Variants in PCOLCE2 observed in about 807,000 individuals in gnomAD.
PCOLCE2 encodes the protein procollagen C-endopeptidase enhancer 2.
A neutral mutation model predicts 47.0 loss-of-function variants in PCOLCE2; 42 were observed. That is an observed-to-expected ratio of 0.89 (90% CI 0.70 to 1.16). PCOLCE2 has a LOEUF of 1.16. Among genes scored for constraint, PCOLCE2 ranks in the 50% most tolerant of loss-of-function variants. The pLI is 0.00. For synonymous variants in PCOLCE2, 169 were observed against 191.7 expected, an observed-to-expected ratio of 0.88 and a Z score of 0.98; for missense variants, 500 against 526.1, an observed-to-expected ratio of 0.95 and a Z score of 0.49.
rs577098719 is a variant in PCOLCE2, at chr3:142,859,069, T to C, written c.193-10597A>G. On this transcript the variant is annotated intron_variant, in intron 2 of 8. Transcript: ENST00000295992. Reference sequence around the variant, plus strand: ...CATACAACACCCATGTTTTCTTCTTTTTTTTTTTTTAGAGACAGAGTCTGA... The same window carrying C: ...CATACAACACCCATGTTTTCTTCTTCTTTTTTTTTTAGAGACAGAGTCTGA... Among the ~76,000 whole-genome samples, 55 of 151,098 alleles carry C rather than the reference T, an allele frequency of 3.6e-4. No individual in the cohort carries two copies. In the East Asian group the frequency reaches 9.3e-3, roughly 26 times the overall value.
At chr3:142,867,888 C>T (rs529985801) in intron 2 of PCOLCE2, among the ~76,000 whole-genome samples, 2 of 152,088 alleles carry the variant, frequency 1.3e-5, no homozygotes, top group South Asian at 4.1e-4. Context: ...TCCAAAGGAG[C>T]TAGGGCAGAA....
At chr3:142,823,715 G>T in intron 6 of PCOLCE2, 100 bp from the exon 7 acceptor site, 1 of 703,232 alleles carries the variant, frequency 1.4e-6, no homozygotes, top group Admixed American at 2.6e-5. Flanking sequence ...TTATTTCCCT[G>T]AGCCACCAAT....
chr3:142,883,557 T>C (rs577940014), intron 2 of PCOLCE2, among the ~76,000 whole-genome samples: 19 of 151,916 alleles, frequency 1.3e-4, no homozygotes, highest in Admixed American at 5.2e-4. Context: ...TAGCTGGGAT[T>C]ACAGGCGCCC....
intron 1 of PCOLCE2, 84 bp downstream of exon 1, chr3:142,888,730 C>T (rs937584086): frequency 3.6e-6 from 3 of 829,326 alleles, no homozygotes; most frequent in Non-Finnish European, 5.2e-6. Context: ...CGCGCCGAAG[C>T]GGGTTGAGTA....
intron 6 of PCOLCE2, 28 bp downstream of exon 6, chr3:142,829,664 G>C: frequency 6.6e-7 from 1 of 1,518,986 alleles, no homozygotes; most frequent in African/African-American, 1.4e-5. Flanking sequence ...TAAAGTTTTT[G>C]CACAAACTTC....
At chr3:142,843,163 C>A in intron 3 of PCOLCE2, 115 bp from the exon 4 acceptor site, 1 of 984,660 alleles carries the variant, frequency 1.0e-6, no homozygotes, top group Admixed American at 1.8e-5. Flanking sequence ...ATAAAGGCAA[C>A]AGCAGAAGCG....
chr3:142,862,315 G>A (rs1933195217), intron 2 of PCOLCE2, among the ~76,000 whole-genome samples: 1 of 152,156 alleles, frequency 6.6e-6, no homozygotes, highest in Non-Finnish European at 1.5e-5. Flanking sequence ...GGCACAAATC[G>A]GCTTGTTTCC....
At chr3:142,818,553 T>C in intron 8 of PCOLCE2, 88 bp from the exon 9 acceptor site, 2 of 987,210 alleles carry the variant, frequency 2.0e-6, no homozygotes, top group South Asian at 1.3e-5. Context: ...TAGATAAATG[T>C]TCTCTTCTGC....
In PCOLCE2 at chr3:142,842,698, C is replaced by A; in HGVS notation, c.573+226G>T. Among the ~76,000 whole-genome samples, 1 of 151,136 alleles carries A rather than the reference C, an allele frequency of 6.6e-6. No homozygotes were observed. The highest frequency in any genetic ancestry group is 1.9e-4 in the East Asian group (1 of 5,148). On this transcript the variant is annotated intron_variant, in intron 4 of 8. Coordinates refer to ENST00000295992, the MANE Select transcript of PCOLCE2 (RefSeq NM_013363.4). This position sits in a 1 kb window ranked among gnomAD's most constrained non-coding sequence, Gnocchi z 4.1. The stretch of plus-strand genomic sequence containing the variant: ...AGGTTGCGGTGAGCTGAGATCGCAC[C>A]ATTGCACTCCAGACAGGGCGACAAG...
In PCOLCE2 at chr3:142,838,877, A is replaced by G. The variant is rs749277453; in HGVS notation, c.603T>C (p.Asp201=). The change falls in exon 5 of 9, where the codon GAT becomes GAC. Residue 201 remains aspartate, a synonymous_variant. Transcript: ENST00000295992. ...ATCGGCAGTAGTTATCTCGCTCCAC[A>G]TCAAACTTCTCAAACTTTAATTCTA... ...QLIELKFEKF[D]VERDNYCRYD... is the part of the protein sequence containing the mutation. The G allele has an allele frequency of 6.2e-7, 1 of 1,613,196 alleles. No individual in the cohort carries two copies. Among genetic ancestry groups the G allele is most frequent in the East Asian group, 2.2e-5 (1 of 44,876 alleles).
At chr3:142,852,717 A>G (rs7651828) in intron 2 of PCOLCE2, among the ~76,000 whole-genome samples, 2,288 of 148,608 alleles carry the variant, frequency 0.015, 63 homozygotes, top group African/African-American at 0.053. Context: ...ATATACACAC[A>G]TAAGTATTTA....
chr3:142,883,795 A>T (rs903411842), intron 2 of PCOLCE2, among the ~76,000 whole-genome samples: 6 of 152,210 alleles, frequency 3.9e-5, no homozygotes, highest in African/African-American at 1.4e-4. Flanking sequence ...GAATGAAAAT[A>T]TCAAGGAACA....
At chr3:142,844,966 T>C (rs55903744) in intron 3 of PCOLCE2, among the ~76,000 whole-genome samples, 26,212 of 152,194 alleles carry the variant, frequency 0.17, 2,591 homozygotes, top group Non-Finnish European at 0.22. Context: ...GTAGACAACA[T>C]ATAGTTGGGT....
intron 3 of PCOLCE2, 85 bp downstream of exon 3, chr3:142,848,132 A>G: frequency 7.2e-7 from 1 of 1,386,942 alleles, no homozygotes; most frequent in South Asian, 1.3e-5. Context: ...ACCACTCTTA[A>G]GCTTTAAAGG....
chr3:142,878,811 G>A (rs991915381), intron 2 of PCOLCE2, among the ~76,000 whole-genome samples: 3 of 151,796 alleles, frequency 2.0e-5, no homozygotes, highest in South Asian at 2.1e-4. Flanking sequence ...CTGAGATCAC[G>A]CCACTGCACT....
At chr3:142,886,517 T>C (rs929278426) in intron 2 of PCOLCE2, among the ~76,000 whole-genome samples, 2 of 152,224 alleles carry the variant, frequency 1.3e-5, no homozygotes, top group Non-Finnish European at 2.9e-5. Context: ...TAATGAAATC[T>C]GTACCAGTTT....
chr3:142,820,741 A>G (rs1937003424), intron 8 of PCOLCE2, 137 bp downstream of exon 8: 6 of 645,096 alleles, frequency 9.3e-6, no homozygotes, highest in Non-Finnish European at 1.0e-5. Context: ...TGAGAGCCCA[A>G]TTCTGCCTGA....
chr3:142,868,208 T>C (rs1933319949), intron 2 of PCOLCE2, among the ~76,000 whole-genome samples: 2 of 152,176 alleles, frequency 1.3e-5, no homozygotes, highest in Non-Finnish European at 2.9e-5. Context: ...AGGAGAGCAC[T>C]GTCTAGGACA....
chr3:142,884,121 ACTT>A (rs572005983), intron 2 of PCOLCE2, among the ~76,000 whole-genome samples: 1 of 151,984 alleles, frequency 6.6e-6, no homozygotes, highest in Non-Finnish European at 1.5e-5. Context: ...ACTCTCCCCT[ACTT>A]CTTTTATGGA....
Sources: gnomAD v4.1 joint callset for allele counts (sites outside exome capture counted in the v4.1 genomes callset) on GRCh38, gnomAD v4.1.1 for gene constraint, Gnocchi (gnomAD v3.1) non-coding constraint, MANE v1.5 for transcripts, NCBI Gene and HGNC (gene_info 2026-07-23, HGNC 2026-07-21) for gene names.